Variants in BBOF1 observed in about 807,000 individuals in gnomAD.
BBOF1 encodes the protein basal body orientation factor 1, also known as basal body-orientation factor 1.
Under a neutral mutation model 68.0 loss-of-function variants are expected in BBOF1, and 62 were observed. That is an observed-to-expected ratio of 0.91 (90% CI 0.74 to 1.13). The LOEUF (loss-of-function observed/expected upper bound fraction) is 1.13. Among genes scored for constraint, BBOF1 ranks in the 50% most tolerant of loss-of-function variants. The pLI is 0.00. For synonymous variants in BBOF1, 208 were observed against 198.8 expected (o/e 1.05, Z -0.39); for missense variants, 534 against 600.1 (o/e 0.89, Z 1.15).
chr14:74,065,205 A>G lies in BBOF1; in HGVS notation c.*506A>G. On this transcript the variant is annotated 3_prime_UTR_variant, in exon 12 of 12. Transcript: ENST00000394009. ...CCTGTCCAACATCCACCAAGTGGGC[A>G]TATTTCCGAGCAGTGGCTCCATTGG... 8.7e-6 allele frequency: 14 copies of G among 1,614,184 alleles called. No homozygotes were observed. The highest frequency in any genetic ancestry group is 1.2e-5 in the Non-Finnish European group (14 of 1,180,026).
intron 4 of BBOF1, among the ~76,000 whole-genome samples, chr14:74,036,973 CTTTTTTTT>C (rs548819182): frequency 9.6e-6 from 1 of 104,404 alleles, no homozygotes; most frequent in South Asian, 2.9e-4. Context: ...TTTCTTTTTT[CTTTTTTTT>C]TTTTTTTTTG....
chr14:74,079,214 C>A (rs1019299299), intron 10 of BBOF1, among the ~76,000 whole-genome samples: 1 of 151,592 alleles, frequency 6.6e-6, no homozygotes, highest in Non-Finnish European at 1.5e-5. Flanking sequence ...CAGTAGCTCA[C>A]GCCTGTAATC....
At chr14:74,071,858 G>A (rs1198616536) in intron 9 of BBOF1, 10 of 1,602,204 alleles carry the variant, frequency 6.2e-6, no homozygotes, top group South Asian at 2.2e-5. Flanking sequence ...TCTTCCTTTG[G>A]TCCTTCCCAA....
Position 74,060,426 on chromosome 14 carries a change from A to G in BBOF1, c.1578+3168A>G, listed in dbSNP as rs2060313659. On this transcript the variant is annotated intron_variant, in intron 11 of 11. Coordinates refer to ENST00000394009, the MANE Select transcript of BBOF1 (RefSeq NM_025057.3). ...TTTCATAGTTACAACAGTTACCTCAAAATAGAAGTATGAAGAGCAAGTGAG... is the reference window on the plus strand; with the variant it reads ...TTTCATAGTTACAACAGTTACCTCAGAATAGAAGTATGAAGAGCAAGTGAG... 4 of 561,250 alleles carry G rather than the reference A, an allele frequency of 7.1e-6. No individual in the cohort carries two copies. In the East Asian group the frequency reaches 1.2e-4, roughly 17 times the overall value. 34.8% of individuals were successfully genotyped at this position (561,250 alleles called of 1,614,324 possible).
At chr14:74,068,761 A>G, downstream of BBOF1, 4 of 1,383,906 alleles carry the variant, frequency 2.9e-6, no homozygotes, top group Non-Finnish European at 4.1e-6. Flanking sequence ...AGAAACACTG[A>G]CATTGGAGTG....
At chr14:74,057,724 T>A (rs1271795836) in intron 11 of BBOF1, 4 of 1,175,958 alleles carry the variant, frequency 3.4e-6, no homozygotes, top group Non-Finnish European at 4.3e-6. Flanking sequence ...ATGTAGAATC[T>A]GAGAAATTTC....
intron 1 of BBOF1, among the ~76,000 whole-genome samples, chr14:74,021,642 C>T (rs914229701): frequency 3.8e-4 from 57 of 151,458 alleles, no homozygotes; most frequent in African/African-American, 1.2e-3. Context: ...AACTATTTAA[C>T]GTATTTGCCC....
rs8204 is a variant in BBOF1, at chr14:74,060,487, A to G, written c.1578+3229A>G. The G allele has an allele frequency of 0.21, 141,864 of 690,592 alleles. 17,124 individuals are homozygous for G. The highest frequency in any genetic ancestry group is 0.43 in the South Asian group (27,822 of 64,840). 42.8% of individuals were successfully genotyped at this position (690,592 alleles called of 1,614,324 possible). Reference sequence around the variant, plus strand: ...TCATTGTTACACTAGGCAGTTCCCTATAGAAACTTTGCGGGGGTTAATAGT... The same window carrying G: ...TCATTGTTACACTAGGCAGTTCCCTGTAGAAACTTTGCGGGGGTTAATAGT... On this transcript the variant is annotated intron_variant, in intron 11 of 11. Transcript: ENST00000394009.
intron 9 of BBOF1, chr14:74,072,638 C>CA: frequency 6.2e-7 from 1 of 1,609,890 alleles, no homozygotes; most frequent in Non-Finnish European, 8.5e-7. Context: ...AACAAACAAA[C>CA]AAACAAAAAC....
intron 9 of BBOF1, chr14:74,072,665 G>C: frequency 1.3e-6 from 2 of 1,586,100 alleles, no homozygotes; most frequent in Non-Finnish European, 1.7e-6. Flanking sequence ...CTTTGTATTA[G>C]CTAATTGCTT....
chr14:74,062,524 C>G (rs1197817936), intron 11 of BBOF1, among the ~76,000 whole-genome samples: 1 of 151,902 alleles, frequency 6.6e-6, no homozygotes, highest in African/African-American at 2.4e-5. Context: ...TTGCTTGAAC[C>G]CTGGAGGCTG....
intron 2 of BBOF1, among the ~76,000 whole-genome samples, chr14:74,023,925 CAA>C (rs780429164): frequency 1.7e-4 from 8 of 46,800 alleles, no homozygotes; most frequent in Admixed American, 4.9e-4. Flanking sequence ...GACTCCATCT[CAA>C]AAAAAAAAAA....
At chr14:74,038,509 T>C (rs1595047899) in intron 4 of BBOF1, among the ~76,000 whole-genome samples, 1 of 152,344 alleles carries the variant, frequency 6.6e-6, no homozygotes, top group Non-Finnish European at 1.5e-5. Context: ...TATTGGCTTA[T>C]GGGAACGAAT....
chr14:74,066,715 G>A (rs2060472422), downstream of BBOF1: 6 of 1,613,972 alleles, frequency 3.7e-6, no homozygotes, highest in East Asian at 8.9e-5. Context: ...CTTGACATTC[G>A]AGATGATGGT....
rs369682970 is a variant in BBOF1 at position 74,022,984 on chromosome 14, G to A, written c.125G>A (p.Arg42Lys). The change falls in exon 2 of 12, where the codon AGG becomes AAG. Residue 42 changes from arginine (R) to lysine (K), a missense_variant. Arg to Lys is a conservative substitution (Grantham distance 26). Coordinates refer to ENST00000394009, the MANE Select transcript of BBOF1 (RefSeq NM_025057.3). ...GCCAATGCCTCCCTTTGGGAGGCCA[G>A]GTTGGAAGTCACAGAACTCTCTAGG... ...AKANASLWEA[R>K]LEVTELSRIK... 7.4e-6 allele frequency: 12 copies of A among 1,613,262 alleles called. No individual in the cohort carries two copies. The East Asian group carries it at 2.7e-4, about 36-fold the overall frequency.
chr14:74,049,909 CT>C lies in BBOF1; in HGVS notation c.1002del (p.Leu335PhefsTer3), dbSNP rs2060029158. On this transcript the variant is annotated frameshift_variant, in exon 8 of 12. Coordinates refer to ENST00000394009, the MANE Select transcript of BBOF1 (RefSeq NM_025057.3). LOFTEE classifies it high-confidence loss of function. Reference protein sequence around the residue: ...GQVEIDKLQHLLQMKDREMNR... With the variant: ...GQVEIDKLQHXLQMKDREMNR... ...GGTAGAAATTGACAAGCTGCAGCAC[CT>C]TCTTCAGATGAAGGACAGGGAAATG... 1 of 1,614,038 alleles carries C rather than the reference CT, an allele frequency of 6.2e-7. No homozygotes were observed. The highest frequency in any genetic ancestry group is 8.5e-7 in the Non-Finnish European group (1 of 1,180,038).
intron 9 of BBOF1, chr14:74,071,711 G>C (rs1483722413): frequency 2.8e-6 from 4 of 1,452,306 alleles, no homozygotes; most frequent in Non-Finnish European, 3.7e-6. Context: ...AAGATCATTT[G>C]AGTAAAGAGT....
At chr14:74,028,910 G>A (rs2059500325) in intron 2 of BBOF1, among the ~76,000 whole-genome samples, 1 of 150,616 alleles carries the variant, frequency 6.6e-6, no homozygotes, top group Non-Finnish European at 1.5e-5. Flanking sequence ...GTTTCTCCAT[G>A]TTGGTCAGGC....
chr14:74,045,574 G>T (rs905909596), intron 5 of BBOF1, among the ~76,000 whole-genome samples: 4 of 152,228 alleles, frequency 2.6e-5, no homozygotes, highest in Non-Finnish European at 5.9e-5. Context: ...CTCCCAAAAT[G>T]TTGGGATTAC....
Sources: gnomAD v4.1 joint callset for allele counts (sites outside exome capture counted in the v4.1 genomes callset) on GRCh38, gnomAD v4.1.1 for gene constraint, MANE v1.5 for transcripts, NCBI Gene and HGNC (gene_info 2026-07-23, HGNC 2026-07-21) for gene names.